Variants in RNF220 observed in about 807,000 individuals in gnomAD.
RNF220 encodes E3 ubiquitin-protein ligase RNF220.
Under a neutral mutation model 67.1 loss-of-function variants are expected in RNF220, and 7 were observed. The observed-to-expected ratio is 0.10, with a 90% CI of 0.06 to 0.20. The LOEUF is 0.20. Ranked by LOEUF, RNF220 falls within the 10% of genes least tolerant of loss-of-function variation. RNF220 has a pLI of 1.00. For missense variants in RNF220, 565 were observed against 740.3 expected (o/e 0.76, Z 2.75); for synonymous variants, 270 against 283.2 (o/e 0.95, Z 0.47).
At chr1:44,434,181 C>T (rs1650705255) in intron 2 of RNF220, among the ~76,000 whole-genome samples, 1 of 151,824 alleles carries the variant, frequency 6.6e-6, no homozygotes, top group African/African-American at 2.4e-5. Flanking sequence ...ATGAGCCAGG[C>T]ACAACTATGT....
intron 2 of RNF220, among the ~76,000 whole-genome samples, chr1:44,503,910 C>T (rs1346314271): frequency 2.6e-5 from 4 of 151,904 alleles, no homozygotes; most frequent in Non-Finnish European, 5.9e-5. Context: ...GGTGCAGTGG[C>T]ACAGTCTCGG....
chr1:44,455,570 A>T (rs1444671526), intron 2 of RNF220, among the ~76,000 whole-genome samples: 1 of 152,186 alleles, frequency 6.6e-6, no homozygotes, highest in African/African-American at 2.4e-5. Context: ...TTAATTCATT[A>T]AGGAGCTTGG....
intron 2 of RNF220, among the ~76,000 whole-genome samples, chr1:44,572,432 A>G (rs1360900608): frequency 6.6e-6 from 1 of 152,210 alleles, no homozygotes; most frequent in African/African-American, 2.4e-5. Flanking sequence ...CACTGCTCTT[A>G]TAATATGCAT....
intron 2 of RNF220, among the ~76,000 whole-genome samples, chr1:44,537,172 C>T (rs1477938972): frequency 2.6e-5 from 4 of 151,620 alleles, no homozygotes; most frequent in Admixed American, 1.3e-4. Flanking sequence ...CCCCTGCATA[C>T]ACACACACAC....
At chr1:44,513,600 A>T (rs904108147) in intron 2 of RNF220, among the ~76,000 whole-genome samples, 1 of 152,212 alleles carries the variant, frequency 6.6e-6, no homozygotes, top group Non-Finnish European at 1.5e-5. Context: ...ACATGATGGG[A>T]ACCTAATGGC....
At chr1:44,542,565 G>A (rs192781898) in intron 2 of RNF220, among the ~76,000 whole-genome samples, 1 of 152,266 alleles carries the variant, frequency 6.6e-6, no homozygotes, top group Admixed American at 6.5e-5. Context: ...CGTGTCCCCA[G>A]GGGGGAGCTA....
chr1:44,636,535 C>A (rs1413435533), intron 8 of RNF220: 4 of 695,098 alleles, frequency 5.8e-6, no homozygotes, highest in Non-Finnish European at 1.1e-5. Context: ...AATCCAGCAA[C>A]CTGCTGTACA....
chr1:44,615,709 C>T (rs1385487006), intron 3 of RNF220, among the ~76,000 whole-genome samples: 1 of 152,180 alleles, frequency 6.6e-6, no homozygotes, highest in Non-Finnish European at 1.5e-5. Context: ...AAGGAGGCAC[C>T]AAACCCAGCA....
chr1:44,599,321 G>A (rs914968672), intron 2 of RNF220, among the ~76,000 whole-genome samples: 8 of 152,228 alleles, frequency 5.3e-5, no homozygotes, highest in African/African-American at 1.9e-4. Flanking sequence ...ATGAAAAAGA[G>A]AGTAGTTAAT....
chr1:44,454,661 T>C (rs1653004331), intron 2 of RNF220, among the ~76,000 whole-genome samples: 1 of 151,968 alleles, frequency 6.6e-6, no homozygotes, highest in Non-Finnish European at 1.5e-5. Context: ...GGTGGGTTTT[T>C]TTTTTTAAGT....
At chr1:44,506,375 A>G (rs1658425757) in intron 2 of RNF220, among the ~76,000 whole-genome samples, 1 of 152,264 alleles carries the variant, frequency 6.6e-6, no homozygotes, top group African/African-American at 2.4e-5. Context: ...TCTTCGGTCC[A>G]TCACACCAAG....
At chr1:44,535,604 G>T (rs1416051399) in intron 2 of RNF220, among the ~76,000 whole-genome samples, 1 of 152,236 alleles carries the variant, frequency 6.6e-6, no homozygotes, top group Non-Finnish European at 1.5e-5. Flanking sequence ...TAAAGGAAAT[G>T]TGGCTGTTCA....
chr1:44,479,691 G>C (rs1655621871), intron 2 of RNF220, among the ~76,000 whole-genome samples: 1 of 152,168 alleles, frequency 6.6e-6, no homozygotes. Flanking sequence ...TTTAGCCCCA[G>C]GATGGATCTT....
chr1:44,425,495 C>T (rs541588837), intron 2 of RNF220, among the ~76,000 whole-genome samples: 1 of 152,246 alleles, frequency 6.6e-6, no homozygotes, highest in East Asian at 1.9e-4. Flanking sequence ...TGAAGGGCCA[C>T]ACAGGATCCA....
At chr1:44,574,446 G>A (rs11810526) in intron 2 of RNF220, among the ~76,000 whole-genome samples, 1 of 152,144 alleles carries the variant, frequency 6.6e-6, no homozygotes, top group African/African-American at 2.4e-5. Context: ...TTCTTACACT[G>A]TTCTGTGCTC....
chr1:44,511,650 C>T (rs1659002967), intron 2 of RNF220, among the ~76,000 whole-genome samples: 1 of 152,158 alleles, frequency 6.6e-6, no homozygotes, highest in Admixed American at 6.5e-5. Flanking sequence ...AGGATGACAT[C>T]CATCATGAGA....
intron 2 of RNF220, among the ~76,000 whole-genome samples, chr1:44,552,633 C>G (rs1350557261): frequency 8.6e-6 from 1 of 116,020 alleles, no homozygotes; most frequent in Admixed American, 1.2e-4. Context: ...TGCAGTTGCG[C>G]AATCTCGGCT....
intron 2 of RNF220, among the ~76,000 whole-genome samples, chr1:44,528,304 CTT>C (rs543649162): frequency 4.8e-5 from 7 of 145,766 alleles, no homozygotes; most frequent in African/African-American, 5.0e-5. Flanking sequence ...AAATTGGCAA[CTT>C]TTTTTTTTTT....
chr1:44,442,367 T>C (rs1651646603), intron 2 of RNF220, among the ~76,000 whole-genome samples: 1 of 152,096 alleles, frequency 6.6e-6, no homozygotes, highest in Non-Finnish European at 1.5e-5. Flanking sequence ...GGTCTCCAAC[T>C]CTTGGGCTCA....
Sources: allele counts gnomAD v4.1 joint callset (sites outside exome capture counted in the v4.1 genomes callset), GRCh38; gene constraint gnomAD v4.1.1; transcripts MANE v1.5; gene names NCBI Gene and HGNC (gene_info 2026-07-23, HGNC 2026-07-21).